NEMP2: variants seen among roughly 807,000 people sequenced by gnomAD.
NEMP2 encodes UPF0571 transmembrane protein.
A neutral mutation model predicts 54.2 loss-of-function variants in NEMP2; 53 were observed. That is an observed-to-expected ratio of 0.98 (90% CI 0.78 to 1.23). The LOEUF (loss-of-function observed/expected upper bound fraction) is 1.23. NEMP2 is among the 50% of genes most tolerant of loss of function. NEMP2 has a pLI of 0.00. For synonymous variants in NEMP2, 197 were observed against 190.3 expected (o/e 1.04, Z -0.29); for missense variants, 455 against 511.3 (o/e 0.89, Z 1.06).
At chr2:190,444,933 T>C in the NEMP2 span, 1 of 756,938 alleles carries the variant, frequency 1.3e-6, no homozygotes, top group Non-Finnish European at 1.6e-6. Context: ...TGTATCTTGG[T>C]AAATTAACTG....
chr2:190,577,328 A>G, the NEMP2 span, among the ~76,000 whole-genome samples: 2 of 151,986 alleles, frequency 1.3e-5, no homozygotes, highest in South Asian at 4.2e-4. This position sits in a 1 kb window ranked among gnomAD's most constrained non-coding sequence, Gnocchi z 4.8. Context: ...CTTTTTTTAG[A>G]TGGTACATTT....
Position 190,510,880 on chromosome 2 carries a change from CAAA to C in NEMP2, c.954-346_954-344del, listed in dbSNP as rs1212394251. On this transcript the variant is annotated intron_variant, in intron 7 of 8. Coordinates refer to ENST00000409150, the MANE Select transcript of NEMP2 (RefSeq NM_001142645.2). This position sits in a 1 kb window ranked among gnomAD's most constrained non-coding sequence, Gnocchi z 5.7. ...TGGGCGACAGAGGGAGACTCCGTCT[CAAA>C]AAAAAAAAAAAAAGATTTACAAAAA... is the stretch of plus-strand genomic sequence containing the variant. Among the ~76,000 whole-genome samples the C allele has an allele frequency of 7.9e-5, 5 of 63,232 alleles. No homozygotes were observed. The highest frequency in any genetic ancestry group is 1.2e-4 in the African/African-American group (2 of 16,056). The allele number at this position is 63,232 out of a possible 152,430, so 41.5% of individuals were successfully genotyped here.
At chr2:190,577,615 C>A in the NEMP2 span, among the ~76,000 whole-genome samples, 5 of 152,206 alleles carry the variant, frequency 3.3e-5, no homozygotes, top group African/African-American at 1.2e-4. The surrounding 1 kb of genome is among the most constrained non-coding windows in gnomAD (Gnocchi z 4.8). Context: ...GTGGCTCACA[C>A]CTGTAATCCC....
chr2:190,435,010 G>A, the NEMP2 span, among the ~76,000 whole-genome samples: 1 of 152,172 alleles, frequency 6.6e-6, no homozygotes, highest in Non-Finnish European at 1.5e-5. Context: ...TGCTCCTTAT[G>A]AGAACCTAAG....
At position 190,523,007 on chromosome 2, in the gene NEMP2, G is replaced by T. The variant is rs1305824935; in HGVS notation, c.213+2256C>A. Among the ~76,000 whole-genome samples, 1 of 152,144 alleles carries T rather than the reference G, an allele frequency of 6.6e-6. No homozygotes were observed. The highest frequency in any genetic ancestry group is 2.4e-5 in the African/African-American group (1 of 41,424). The stretch of plus-strand genomic sequence containing the variant: ...TTGGGCACATGTTCTCAGAATCTGA[G>T]GGATGTGTCACAGGCCATTGGTCAC... On this transcript the variant is annotated intron_variant, in intron 2 of 8. Transcript: ENST00000409150. This position sits in a 1 kb window ranked among gnomAD's most constrained non-coding sequence, Gnocchi z 5.3.
the NEMP2 span, among the ~76,000 whole-genome samples, chr2:190,475,312 A>T: frequency 2.0e-5 from 3 of 152,332 alleles, no homozygotes; most frequent in Admixed American, 2.0e-4. Flanking sequence ...ATATCTAGAA[A>T]ACCCCATCGT....
At chr2:190,486,826 C>T in the NEMP2 span, among the ~76,000 whole-genome samples, 1 of 152,208 alleles carries the variant, frequency 6.6e-6, no homozygotes, top group Non-Finnish European at 1.5e-5. Flanking sequence ...ATTTCTTAAT[C>T]TCGTCTAGCT....
chr2:190,463,975 C>A, the NEMP2 span: 5 of 811,298 alleles, frequency 6.2e-6, no homozygotes, highest in African/African-American at 1.9e-5. This position sits in a 1 kb window ranked among gnomAD's most constrained non-coding sequence, Gnocchi z 4.4. Context: ...GTGTCAACAA[C>A]CAGCTCTTTT....
At chr2:190,548,987 A>T in the NEMP2 span, among the ~76,000 whole-genome samples, 1 of 152,188 alleles carries the variant, frequency 6.6e-6, no homozygotes, top group African/African-American at 2.4e-5. Context: ...ATTTTTGCCC[A>T]TTAATAATTG....
At chr2:190,579,748 A>G in the NEMP2 span, among the ~76,000 whole-genome samples, 1 of 152,254 alleles carries the variant, frequency 6.6e-6, no homozygotes, top group African/African-American at 2.4e-5. Context: ...GTTGTGTAGC[A>G]GGGAAAAGTA....
At chr2:190,485,905 T>C in the NEMP2 span, among the ~76,000 whole-genome samples, 1 of 152,218 alleles carries the variant, frequency 6.6e-6, no homozygotes. This position sits in a 1 kb window ranked among gnomAD's most constrained non-coding sequence, Gnocchi z 5.1. Context: ...TACAATCTAA[T>C]GTACCCAGTA....
chr2:190,438,187 A>C, the NEMP2 span, among the ~76,000 whole-genome samples: 1 of 143,148 alleles, frequency 7.0e-6, no homozygotes, highest in African/African-American at 2.6e-5. This position sits in a 1 kb window ranked among gnomAD's most constrained non-coding sequence, Gnocchi z 5.2. Flanking sequence ...TCTTCCACCT[A>C]AAATTTCCCA....
downstream of NEMP2, chr2:190,504,250 A>T (rs1690133675): frequency 6.6e-6 from 1 of 152,330 alleles, no homozygotes; most frequent in Non-Finnish European, 1.5e-5. This position sits in a 1 kb window ranked among gnomAD's most constrained non-coding sequence, Gnocchi z 5.6. Flanking sequence ...GTTATCTGAC[A>T]TACAGTGTGT....
At chr2:190,550,997 A>G in the NEMP2 span, among the ~76,000 whole-genome samples, 2 of 151,612 alleles carry the variant, frequency 1.3e-5, no homozygotes, top group African/African-American at 4.8e-5. The surrounding 1 kb of genome is among the most constrained non-coding windows in gnomAD (Gnocchi z 4.7). Context: ...CTTTTGGCAT[A>G]AAGTATTGTT....
chr2:190,494,292 C>T, the NEMP2 span, among the ~76,000 whole-genome samples: 1 of 151,994 alleles, frequency 6.6e-6, no homozygotes, highest in African/African-American at 2.4e-5. The surrounding 1 kb of genome is among the most constrained non-coding windows in gnomAD (Gnocchi z 5.7). Context: ...ACCCTCCTAG[C>T]TTAAATCAGG....
rs187205303 is a variant in NEMP2 at position 190,534,547 on chromosome 2, G to A, written c.97+12C>T. ...ACGCACGCGCGCGCCGCCGCCGCCG[G>A]TCCCGGGTTACCTGATAACGCTGCC... On this transcript the variant is annotated intron_variant, in intron 1 of 8. Transcript: ENST00000409150. The A allele has an allele frequency of 9.4e-3, 13,161 of 1,393,334 alleles. 74 individuals carry two copies. The highest frequency in any genetic ancestry group is 0.011 in the Non-Finnish European group (11,664 of 1,076,950). 86.3% of individuals were successfully genotyped at this position (1,393,334 alleles called of 1,614,324 possible). A position where few individuals can be genotyped will look rare whatever the true frequency, so the allele number is the denominator to read the frequency against.
rs1574304604 is a variant in NEMP2 at position 190,520,807 on chromosome 2, C to T, written c.214-1624G>A. On this transcript the variant is annotated intron_variant, in intron 2 of 8. Transcript: ENST00000409150. This position sits in a 1 kb window ranked among gnomAD's most constrained non-coding sequence, Gnocchi z 5.4. Reference sequence around the variant, plus strand: ...ATTCATCTCACTGTGTGACCACCATCTCCTATCTTTCCAGTGTACCCATCT... The same window carrying T: ...ATTCATCTCACTGTGTGACCACCATTTCCTATCTTTCCAGTGTACCCATCT... 2.0e-5 allele frequency among the ~76,000 whole-genome samples: 3 copies of T among 152,248 alleles called. No individual in the cohort carries two copies. Among genetic ancestry groups the T allele is most frequent in the South Asian group, 4.2e-4 (2 of 4,818 alleles).
the NEMP2 span, among the ~76,000 whole-genome samples, chr2:190,585,743 C>T: frequency 1.1e-4 from 16 of 152,162 alleles, no homozygotes; most frequent in African/African-American, 3.9e-4. This position sits in a 1 kb window ranked among gnomAD's most constrained non-coding sequence, Gnocchi z 5.3. Context: ...CCTATTGATC[C>T]TTCTCTGCCT....
At position 190,529,468 on chromosome 2, in the gene NEMP2, T is replaced by C. The variant is rs920027354; in HGVS notation, c.98-4090A>G. 6.6e-6 allele frequency among the ~76,000 whole-genome samples: 1 copy of C among 152,150 alleles called. No individual in the cohort carries two copies. The highest frequency in any genetic ancestry group is 2.4e-5 in the African/African-American group (1 of 41,418). On this transcript the variant is annotated intron_variant, in intron 1 of 8. Coordinates refer to ENST00000409150, the MANE Select transcript of NEMP2 (RefSeq NM_001142645.2). The surrounding 1 kb of genome is among the most constrained non-coding windows in gnomAD (Gnocchi z 4.7). ...AGAGCTCATCCCTTCCAATCACTGATATACTCTATCAAACACTCCCTTCTC... is the reference window on the plus strand; with the variant it reads ...AGAGCTCATCCCTTCCAATCACTGACATACTCTATCAAACACTCCCTTCTC...
Sources: gnomAD v4.1 joint callset for allele counts (sites outside exome capture counted in the v4.1 genomes callset) on GRCh38, gnomAD v4.1.1 for gene constraint, Gnocchi (gnomAD v3.1) non-coding constraint, MANE v1.5 for transcripts, NCBI Gene and HGNC (gene_info 2026-07-23, HGNC 2026-07-21) for gene names.